Variants in BID observed in about 807,000 individuals in gnomAD.
The protein encoded by BID is BH3 interacting domain death agonist.
BID carries 19 observed loss-of-function variants against 17.4 expected under a neutral mutation model. That is an observed-to-expected ratio of 1.09 (90% CI 0.76 to 1.60). The LOEUF is 1.60. Ranked by LOEUF, BID falls within the 40% of genes most tolerant of loss-of-function variation. BID has a pLI of 0.00. For synonymous variants in BID, 108 were observed against 102.8 expected (o/e 1.05, Z -0.31); for missense variants, 226 against 256.0 (o/e 0.88, Z 0.80).
At chr22:17,743,704 G>C in intron 3 of BID, 99 bp downstream of exon 3, 1 of 1,268,834 alleles carries the variant, frequency 7.9e-7, no homozygotes, top group Non-Finnish European at 1.1e-6. Flanking sequence ...TGCAGAGGCA[G>C]AGTGATCCCG....
At position 17,769,542 on chromosome 22, in the gene BID, A is replaced by G. The variant is rs1290033679; in HGVS notation, c.-59+4839T>C. On this transcript the variant is annotated intron_variant, in intron 1 of 5. Coordinates refer to ENST00000622694, the MANE Select transcript of BID (RefSeq NM_001196.4). The surrounding 1 kb of genome is among the most constrained non-coding windows in gnomAD (Gnocchi z 4.8). ...AAGGGTGTGTGGGCCACAGAGAAGC[A>G]CCCTGAGGCTGTGCTGTCATCCAGA... Among the ~76,000 whole-genome samples the G allele has an allele frequency of 6.6e-6, 1 of 152,136 alleles. No individual in the cohort carries two copies. The highest frequency in any genetic ancestry group is 2.4e-5 in the African/African-American group (1 of 41,412).
Position 17,769,873 on chromosome 22 carries a change from G to A in BID, c.-59+4508C>T, listed in dbSNP as rs368368260. ...CAGTCCCAATACCAGGCCTGGTCAC[G>A]TGGTGCCCCGCCAGGCTTGGGGGTG... On this transcript the variant is annotated intron_variant, in intron 1 of 5. Transcript: ENST00000622694. The surrounding 1 kb of genome is among the most constrained non-coding windows in gnomAD (Gnocchi z 4.8). Among the ~76,000 whole-genome samples the A allele has an allele frequency of 3.5e-4, 53 of 152,264 alleles. 2 individuals carry two copies. The East Asian group carries it at 6.0e-3, about 17-fold the overall frequency.
At chr22:17,748,467 C>T (rs933122673) in intron 2 of BID, among the ~76,000 whole-genome samples, 2 of 151,628 alleles carry the variant, frequency 1.3e-5, no homozygotes, top group Non-Finnish European at 2.9e-5. Flanking sequence ...GAGATCGTGC[C>T]ACTGCACTCC....
At position 17,771,391 on chromosome 22, in the gene BID, G is replaced by A. The variant is rs146595066; in HGVS notation, c.-59+2990C>T. Among the ~76,000 whole-genome samples the A allele has an allele frequency of 2.0e-3, 299 of 152,152 alleles. 1 individual carries two copies. Among genetic ancestry groups the A allele is most frequent in the Non-Finnish European group, 2.7e-3 (181 of 68,006 alleles). ...TGGGATTACAGGCGTGAGCCACCGC[G>A]CCCGGCTGGTCTTTCCCCTTTAAGA... On this transcript the variant is annotated intron_variant, in intron 1 of 5. Coordinates refer to ENST00000622694, the MANE Select transcript of BID (RefSeq NM_001196.4).
intron 4 of BID, 144 bp from the exon 5 acceptor site, chr22:17,738,373 C>G (rs2061434978): frequency 3.8e-6 from 3 of 791,902 alleles, no homozygotes; most frequent in Non-Finnish European, 5.9e-6. Flanking sequence ...CAGTTGAGTT[C>G]TGAGAGGCAA....
chr22:17,742,444 A>G (rs2061465989), intron 3 of BID, among the ~76,000 whole-genome samples: 1 of 152,056 alleles, frequency 6.6e-6, no homozygotes, highest in Admixed American at 6.5e-5. Flanking sequence ...TGGCTGGATT[A>G]GAAGGCAGAG....
chr22:17,760,833 A>G (rs188127804), intron 1 of BID, among the ~76,000 whole-genome samples: 252 of 152,322 alleles, frequency 1.7e-3, no homozygotes, highest in African/African-American at 5.8e-3. Context: ...GTCTCTTTTC[A>G]TAACGATTTT....
intron 3 of BID, chr22:17,740,417 T>C (rs1242103412): frequency 8.2e-6 from 4 of 488,468 alleles, no homozygotes; most frequent in African/African-American, 2.1e-5. Flanking sequence ...AGCAAGGCCC[T>C]GCCTCTACAA....
At chr22:17,756,567 CCTTT>C (rs369661739) in intron 1 of BID, among the ~76,000 whole-genome samples, 9 of 121,270 alleles carry the variant, frequency 7.4e-5, no homozygotes, top group East Asian at 4.0e-4. Flanking sequence ...TCCTTCCTTT[CCTTT>C]CTTTCTTTTT....
intron 3 of BID, among the ~76,000 whole-genome samples, chr22:17,743,010 G>T (rs2061471662): frequency 6.6e-6 from 1 of 152,218 alleles, no homozygotes; most frequent in African/African-American, 2.4e-5. Context: ...ACAGTGGGAG[G>T]GCGGCTGAGG....
chr22:17,762,221 G>A (rs2061644243), intron 1 of BID, among the ~76,000 whole-genome samples: 1 of 152,180 alleles, frequency 6.6e-6, no homozygotes, highest in East Asian at 1.9e-4. Flanking sequence ...CGTTGGCCAG[G>A]CGAGGTGGCT....
chr22:17,772,880 C>G (rs1260221978), intron 1 of BID, among the ~76,000 whole-genome samples: 1 of 152,166 alleles, frequency 6.6e-6, no homozygotes, highest in African/African-American at 2.4e-5. Flanking sequence ...CCCCGCTTCC[C>G]TCTCTGGCAA....
At chr22:17,767,556 C>G (rs938663376) in intron 1 of BID, among the ~76,000 whole-genome samples, 1 of 152,182 alleles carries the variant, frequency 6.6e-6, no homozygotes, top group East Asian at 1.9e-4. Flanking sequence ...TCAAAAGAGG[C>G]TAAGGACACA....
intron 1 of BID, among the ~76,000 whole-genome samples, chr22:17,771,561 T>C (rs1428478931): frequency 2.6e-5 from 4 of 152,156 alleles, no homozygotes; most frequent in Non-Finnish European, 4.4e-5. Flanking sequence ...CTTTTCTTAG[T>C]TGTTGGCTTC....
Position 17,756,432 on chromosome 22 carries a change from C to CTTTCT in BID, c.-58-6259_-58-6258insAGAAA, listed in dbSNP as rs564601583. Among the ~76,000 whole-genome samples the CTTTCT allele has an allele frequency of 6.2e-4, 43 of 69,280 alleles. No individual in the cohort carries two copies. The East Asian group carries it at 0.041, about 67-fold the overall frequency. 45.5% of individuals were successfully genotyped at this position (69,280 alleles called of 152,430 possible). On this transcript the variant is annotated intron_variant, in intron 1 of 5. Coordinates refer to ENST00000622694, the MANE Select transcript of BID (RefSeq NM_001196.4). ...TTTCTCTTTCTTTCTTTCTTTCTTT[C>CTTTCT]TTCTTTCTTTCTTTCTTTCTTTCTT...
At chr22:17,750,394 C>T (rs1051482186) in intron 1 of BID, among the ~76,000 whole-genome samples, 5 of 152,254 alleles carry the variant, frequency 3.3e-5, no homozygotes, top group South Asian at 4.1e-4. Context: ...GGGCCGACCC[C>T]GCACCTGAAT....
intron 3 of BID, among the ~76,000 whole-genome samples, chr22:17,742,685 G>C (rs945742066): frequency 6.6e-6 from 1 of 152,192 alleles, no homozygotes; most frequent in Non-Finnish European, 1.5e-5. Context: ...TTCTACCTGC[G>C]TCAGAATCCT....
chr22:17,770,482 G>A (rs1482157733), intron 1 of BID, among the ~76,000 whole-genome samples: 1 of 152,210 alleles, frequency 6.6e-6, no homozygotes, highest in Non-Finnish European at 1.5e-5. Flanking sequence ...ACCCAGGGTT[G>A]TAGTCACCTG....
chr22:17,772,168 C>T (rs528307534), intron 1 of BID, among the ~76,000 whole-genome samples: 36 of 152,162 alleles, frequency 2.4e-4, no homozygotes, highest in Non-Finnish European at 4.4e-4. Context: ...CGTGAGCGTC[C>T]GGCACACAGG....
Sources: allele counts gnomAD v4.1 joint callset (sites outside exome capture counted in the v4.1 genomes callset), GRCh38; gene constraint gnomAD v4.1.1; non-coding constraint Gnocchi (gnomAD v3.1); transcripts MANE v1.5; gene names NCBI Gene and HGNC (gene_info 2026-07-23, HGNC 2026-07-21).